Variants in CERS6 observed in about 807,000 individuals in gnomAD.
The protein encoded by CERS6 is ceramide synthase 6.
Under a neutral mutation model 56.8 loss-of-function variants are expected in CERS6, and 26 were observed. The ratio of observed to expected loss-of-function variants is 0.46; its 90% CI spans 0.34 to 0.63. CERS6 has a LOEUF of 0.63. Among genes scored for constraint, CERS6 ranks in the 30% least tolerant of loss-of-function variants. The pLI is 0.01. For synonymous variants in CERS6, 164 were observed against 173.3 expected, an observed-to-expected ratio of 0.95 and a Z score of 0.42; for missense variants, 415 against 467.5, an observed-to-expected ratio of 0.89 and a Z score of 1.04.
intron 3 of CERS6, among the ~76,000 whole-genome samples, chr2:168,578,077 C>T (rs796235778): frequency 1.2e-4 from 18 of 151,990 alleles, no homozygotes; most frequent in African/African-American, 4.3e-4. Flanking sequence ...TTGAAAGCAG[C>T]GTTGGGAGGT....
chr2:168,602,757 A>G (rs370191251), intron 3 of CERS6, among the ~76,000 whole-genome samples: 99 of 152,280 alleles, frequency 6.5e-4, no homozygotes, highest in African/African-American at 2.3e-3. Flanking sequence ...GCATAAAGGA[A>G]TGGGGTTTGG....
chr2:168,495,287 A>G (rs16855386), intron 1 of CERS6, among the ~76,000 whole-genome samples: 2,938 of 152,284 alleles, frequency 0.019, 69 homozygotes, highest in African/African-American at 0.052. Context: ...CTATTCTACC[A>G]TTCTCCGCTG....
intron 2 of CERS6, among the ~76,000 whole-genome samples, chr2:168,549,232 T>C (rs1312299348): frequency 6.6e-6 from 1 of 152,210 alleles, no homozygotes; most frequent in African/African-American, 2.4e-5. Flanking sequence ...TCCTTAAAAA[T>C]CCTGCAGTGG....
At chr2:168,637,463 A>G (rs1277526818) in intron 4 of CERS6, among the ~76,000 whole-genome samples, 2 of 152,196 alleles carry the variant, frequency 1.3e-5, no homozygotes, top group Admixed American at 6.6e-5. Context: ...GCCTGGGGCA[A>G]TAGAGTGAGA....
chr2:168,500,337 T>C (rs1170151380), intron 1 of CERS6, among the ~76,000 whole-genome samples: 1 of 151,998 alleles, frequency 6.6e-6, no homozygotes, highest in Non-Finnish European at 1.5e-5. Context: ...AAACAAGGGG[T>C]GGTCATATTT....
Position 168,456,768 on chromosome 2 carries a change from C to G in CERS6, c.170+150C>G. On this transcript the variant is annotated intron_variant, in intron 1 of 9. Transcript: ENST00000305747. This position sits in a 1 kb window ranked among gnomAD's most constrained non-coding sequence, Gnocchi z 4.1. ...GTTCGGGGAGGGGTTGCTGACCCCC[C>G]TGCCCCGCTGGCTTTCTGGGAGCCA... 1.4e-6 allele frequency: 1 copy of G among 715,460 alleles called. No individual in the cohort carries two copies. The highest frequency in any genetic ancestry group is 2.8e-5 in the East Asian group (1 of 35,738). The allele number at this position is 715,460 out of a possible 1,614,324, so 44.3% of individuals were successfully genotyped here. A position where few individuals can be genotyped will look rare whatever the true frequency, so the allele number is the denominator to read the frequency against.
At chr2:168,463,070 G>C (rs186309375) in intron 1 of CERS6, among the ~76,000 whole-genome samples, 2 of 152,058 alleles carry the variant, frequency 1.3e-5, no homozygotes, top group Non-Finnish European at 2.9e-5. Flanking sequence ...TTAATCCTCT[G>C]TCAGGCCCTG....
intron 3 of CERS6, among the ~76,000 whole-genome samples, chr2:168,623,323 G>A (rs76071437): frequency 0.018 from 2,738 of 152,154 alleles, 96 homozygotes; most frequent in African/African-American, 0.061. Context: ...ACATTCCAGG[G>A]ATCTAATATA....
chr2:168,681,096 G>A (rs956071638), intron 4 of CERS6, among the ~76,000 whole-genome samples: 6 of 152,308 alleles, frequency 3.9e-5, no homozygotes, highest in South Asian at 2.1e-4. Flanking sequence ...AATGAGAAGC[G>A]TGCAGTAATA....
intron 4 of CERS6, among the ~76,000 whole-genome samples, chr2:168,633,309 C>T (rs143283663): frequency 2.0e-3 from 309 of 152,218 alleles, no homozygotes; most frequent in African/African-American, 7.0e-3. Flanking sequence ...TAGTCTTACT[C>T]ATAATGCGAA....
chr2:168,598,371 C>T (rs1381462822), intron 3 of CERS6, among the ~76,000 whole-genome samples: 1 of 151,830 alleles, frequency 6.6e-6, no homozygotes, highest in African/African-American at 2.4e-5. Context: ...TTATACGTGG[C>T]ATAGTAATTA....
In CERS6 at chr2:168,731,032, T is replaced by C. The variant is rs115096792; in HGVS notation, c.845+13054T>C. Among the ~76,000 whole-genome samples the C allele has an allele frequency of 5.8e-3, 888 of 152,294 alleles. 5 individuals are homozygous for C. Among genetic ancestry groups the C allele is most frequent in the African/African-American group, 0.019 (801 of 41,568 alleles). On this transcript the variant is annotated intron_variant, in intron 8 of 9. Transcript: ENST00000305747. ...CAGACTGAAACAATTCCAAATGCTT[T>C]TAAATTCTGAGAGATACAGAAGTAC...
At position 168,774,089 on chromosome 2, in the gene CERS6, A is replaced by G. The variant is rs919932171; in HGVS notation, c.*4427A>G. 6 of 152,310 alleles carry G rather than the reference A, an allele frequency of 3.9e-5. 1 individual carries two copies. Among genetic ancestry groups the G allele is most frequent in the African/African-American group, 1.4e-4 (6 of 41,560 alleles). The allele number at this position is 152,310 out of a possible 1,614,324, so 9.4% of individuals were successfully genotyped here. On this transcript the variant is annotated 3_prime_UTR_variant, in exon 10 of 10. Transcript: ENST00000305747. The stretch of plus-strand genomic sequence containing the variant: ...GTATTTCCAACTTGAGTTCAACCCA[A>G]AGCCTTTGAAAGGAATGCATTACCA...
intron 4 of CERS6, among the ~76,000 whole-genome samples, chr2:168,647,579 T>C (rs1685236153): frequency 6.6e-6 from 1 of 152,146 alleles, no homozygotes; most frequent in Admixed American, 6.5e-5. Context: ...GAGAGATCCT[T>C]GTCTTGTGCC....
intron 2 of CERS6, among the ~76,000 whole-genome samples, chr2:168,558,676 T>C (rs987387533): frequency 7.2e-5 from 11 of 152,184 alleles, no homozygotes; most frequent in Non-Finnish European, 1.6e-4. Context: ...GAGACCATCC[T>C]GGCTAACACA....
At chr2:168,756,537 C>T (rs1283325458) in intron 8 of CERS6, among the ~76,000 whole-genome samples, 3 of 152,132 alleles carry the variant, frequency 2.0e-5, no homozygotes, top group Non-Finnish European at 4.4e-5. Context: ...ATAAATAAAA[C>T]CAAATGGGTT....
At chr2:168,508,689 C>G (rs955556725) in intron 1 of CERS6, among the ~76,000 whole-genome samples, 3 of 150,726 alleles carry the variant, frequency 2.0e-5, no homozygotes, top group Non-Finnish European at 4.4e-5. Context: ...GGGAGGGGAA[C>G]ATCACACACC....
chr2:168,460,439 C>T (rs74562628), intron 1 of CERS6, among the ~76,000 whole-genome samples: 8,494 of 152,168 alleles, frequency 0.056, 343 homozygotes, highest in East Asian at 0.18. Flanking sequence ...TCAAGTGACC[C>T]GCCCACCTTG....
chr2:168,567,309 G>T (rs1005948809), intron 3 of CERS6, among the ~76,000 whole-genome samples: 1 of 152,222 alleles, frequency 6.6e-6, no homozygotes, highest in Non-Finnish European at 1.5e-5. Context: ...TTTTATATCT[G>T]TGGGTTGTAT....
Sources: gnomAD v4.1 joint callset for allele counts (sites outside exome capture counted in the v4.1 genomes callset) on GRCh38, gnomAD v4.1.1 for gene constraint, Gnocchi (gnomAD v3.1) non-coding constraint, MANE v1.5 for transcripts, NCBI Gene and HGNC (gene_info 2026-07-23, HGNC 2026-07-21) for gene names.